Variants in PLB1 observed in about 807,000 individuals in gnomAD.
PLB1 encodes phospholipase B1, also known as phospholipase B1, membrane-associated.
A neutral mutation model predicts 227.4 loss-of-function variants in PLB1; 242 were observed. The ratio of observed to expected loss-of-function variants is 1.06; its 90% confidence interval spans 0.96 to 1.18. PLB1 has a LOEUF of 1.18. Ranked by LOEUF, PLB1 falls within the 50% of genes most tolerant of loss-of-function variation. PLB1 has a pLI of 0.00. For synonymous variants in PLB1, 757 were observed against 682.2 expected (o/e 1.11, Z -1.71); for missense variants, 1,858 against 1,816.3 (o/e 1.02, Z -0.42).
chr2:28,550,096 T>G lies in PLB1; in HGVS notation c.1083+12T>G, dbSNP rs1673978552. The G allele has an allele frequency of 6.3e-7, 1 of 1,596,754 alleles. No homozygotes were observed. On this transcript the variant is annotated intron_variant, in intron 16 of 57. Coordinates refer to ENST00000327757, the MANE Select transcript of PLB1 (RefSeq NM_153021.5). ...AAGACAAGCTTGAGGTAAGGAAAGG[T>G]TTTCTGTAATTGACAAACATGCAGA...
chr2:28,503,656 A>G (rs1025688984), intron 1 of PLB1, among the ~76,000 whole-genome samples: 1 of 152,138 alleles, frequency 6.6e-6, no homozygotes, highest in Non-Finnish European at 1.5e-5. Context: ...ATGTCTGGGG[A>G]CTTGGTACTG....
chr2:28,562,953 C>T, intron 17 of PLB1, 88 bp from the exon 18 acceptor site: 1 of 1,281,104 alleles, frequency 7.8e-7, no homozygotes, highest in African/African-American at 1.5e-5. Context: ...CTTTGTTATC[C>T]TGGAAGTTGT....
intron 55 of PLB1, 77 bp downstream of exon 55, chr2:28,632,217 T>G: frequency 4.3e-6 from 5 of 1,158,730 alleles, no homozygotes; most frequent in South Asian, 2.8e-5. Context: ...CTTCTCTAAG[T>G]GGGCTTTTTT....
chr2:28,533,363 G>A (rs1671270975), intron 9 of PLB1, among the ~76,000 whole-genome samples: 1 of 152,126 alleles, frequency 6.6e-6, no homozygotes, highest in Admixed American at 6.5e-5. Flanking sequence ...GTTTTCTCCA[G>A]TGCCGAGTGA....
intron 23 of PLB1, among the ~76,000 whole-genome samples, chr2:28,581,055 TCC>T (rs1332459758): frequency 1.3e-5 from 2 of 152,102 alleles, no homozygotes; most frequent in Non-Finnish European, 2.9e-5. Flanking sequence ...CCTGGGCCCC[TCC>T]CCTGCTCATG....
At chr2:28,553,032 G>A in intron 17 of PLB1, 41 bp downstream of exon 17, 1 of 1,562,932 alleles carries the variant, frequency 6.4e-7, no homozygotes, top group Non-Finnish European at 8.8e-7. Context: ...TTCATTCGAG[G>A]CCTGAAATCA....
At chr2:28,626,245 C>T (rs1687756514) in intron 50 of PLB1, among the ~76,000 whole-genome samples, 183 bp from the exon 51 acceptor site, 1 of 152,176 alleles carries the variant, frequency 6.6e-6, no homozygotes, top group Non-Finnish European at 1.5e-5. Flanking sequence ...ATCCACCTGC[C>T]TCAGCCTCCC....
Position 28,566,554 on chromosome 2 carries a change from A to C in PLB1, c.1281-242A>C. On this transcript the variant is annotated intron_variant, in intron 19 of 57. Transcript: ENST00000327757. Reference sequence around the variant, plus strand: ...GAACCAACCTACCTCCCCTTCCCCAACATCAGCGAAAATCAGCCGCTGGTT... The same window carrying C: ...GAACCAACCTACCTCCCCTTCCCCACCATCAGCGAAAATCAGCCGCTGGTT... 3 of 512,014 alleles carry C rather than the reference A, an allele frequency of 5.9e-6. No individual in the cohort carries two copies. In the Admixed American group the frequency reaches 9.9e-5, roughly 17 times the overall value. 31.7% of individuals were successfully genotyped at this position (512,014 alleles called of 1,614,324 possible). A position where few individuals can be genotyped will look rare whatever the true frequency, so the allele number is the denominator to read the frequency against.
intron 1 of PLB1, among the ~76,000 whole-genome samples, chr2:28,511,678 A>C (rs1204642441): frequency 1.3e-5 from 2 of 152,204 alleles, no homozygotes; most frequent in Non-Finnish European, 2.9e-5. Flanking sequence ...GATGTGTCTA[A>C]GTAAGATTCT....
chr2:28,538,142 A>G (rs1671956254), intron 9 of PLB1, 177 bp from the exon 10 acceptor site: 2 of 789,882 alleles, frequency 2.5e-6, no homozygotes, highest in South Asian at 3.0e-5. Flanking sequence ...GAAGAACAAA[A>G]TGAAGACAAA....
intron 40 of PLB1, 36 bp from the exon 41 acceptor site, chr2:28,604,619 G>A (rs1426803514): frequency 6.3e-7 from 1 of 1,592,662 alleles, no homozygotes; most frequent in East Asian, 2.2e-5. Context: ...GGCCCACCCA[G>A]GGCCTGGGCT....
At chr2:28,642,809 G>T (rs114156553) in intron 57 of PLB1, 49 bp from the exon 58 acceptor site, 32,722 of 1,483,566 alleles carry the variant, frequency 0.022, 485 homozygotes, top group Non-Finnish European at 0.027. Flanking sequence ...GCTTGGTGAT[G>T]GATGGTTCAC....
At chr2:28,558,568 T>G (rs1675521086) in intron 17 of PLB1, among the ~76,000 whole-genome samples, 1 of 152,220 alleles carries the variant, frequency 6.6e-6, no homozygotes. Flanking sequence ...GCTGGCTTTG[T>G]GATTTGCTAT....
At chr2:28,628,118 T>C (rs941650360) in intron 51 of PLB1, among the ~76,000 whole-genome samples, 3 of 152,026 alleles carry the variant, frequency 2.0e-5, no homozygotes, top group African/African-American at 7.3e-5. Context: ...TCACAGGGGA[T>C]AGAAGTTAGG....
chr2:28,587,587 G>A (rs1223796833), intron 26 of PLB1, among the ~76,000 whole-genome samples: 1 of 150,974 alleles, frequency 6.6e-6, no homozygotes, highest in South Asian at 2.1e-4. Flanking sequence ...TCCAGCCTGG[G>A]TGACACAGTG....
In PLB1 at chr2:28,585,628, G is replaced by C. The variant is rs181942851; in HGVS notation, c.1734-133G>C. Reference sequence around the variant, plus strand: ...TATGGTCAGCAGGTCAGCCAGCCAGGCTCCTCATTAGCACAGATCTCTGAA... The same window carrying C: ...TATGGTCAGCAGGTCAGCCAGCCAGCCTCCTCATTAGCACAGATCTCTGAA... On this transcript the variant is annotated intron_variant, in intron 25 of 57. Coordinates refer to ENST00000327757, the MANE Select transcript of PLB1 (RefSeq NM_153021.5). 10 of 745,380 alleles carry C rather than the reference G, an allele frequency of 1.3e-5. No homozygotes were observed. The Admixed American group carries it at 2.4e-4, about 18-fold the overall frequency. 46.2% of individuals were successfully genotyped at this position (745,380 alleles called of 1,614,324 possible). A position where few individuals can be genotyped will look rare whatever the true frequency, so the allele number is the denominator to read the frequency against.
rs1167378814 is a variant in PLB1, at chr2:28,601,263, C to A, written c.2538C>A (p.Phe846Leu). 5 of 1,613,314 alleles carry A rather than the reference C, an allele frequency of 3.1e-6. No individual in the cohort carries two copies. The African/African-American group carries it at 6.7e-5, about 22-fold the overall frequency. ...QKMKDDHRVN[F>L]HEDWKVITVL... is the part of the protein sequence containing the mutation. ...CTCCCTCCATATAGAGAGTAAATTTCCATGAAGACTGGAAGGTCATCACAG... is the reference window on the plus strand; with the variant it reads ...CTCCCTCCATATAGAGAGTAAATTTACATGAAGACTGGAAGGTCATCACAG... The change falls in exon 37 of 58, where the codon TTC becomes TTA. Residue 846 changes from phenylalanine (F) to leucine (L), a missense_variant. By Grantham distance (22) the Phe-to-Leu change is conservative (BLOSUM62 0). Coordinates refer to ENST00000327757, the MANE Select transcript of PLB1 (RefSeq NM_153021.5).
intron 18 of PLB1, among the ~76,000 whole-genome samples, chr2:28,563,504 C>T (rs1448072683): frequency 6.8e-6 from 1 of 146,494 alleles, no homozygotes; most frequent in Non-Finnish European, 1.5e-5. Context: ...TGTAGAAAAG[C>T]TAAGGGAAGG....
chr2:28,510,806 T>TGTGTGTGTGTGTGTG (rs1345888264), intron 1 of PLB1, among the ~76,000 whole-genome samples: 1 of 65,384 alleles, frequency 1.5e-5, no homozygotes, highest in Non-Finnish European at 3.4e-5. Flanking sequence ...GTGTGTGTGT[T>TGTGTGTGTGTGTGTG]TTGTAGAGAC....
Sources: gnomAD v4.1 joint callset for allele counts (sites outside exome capture counted in the v4.1 genomes callset) on GRCh38, gnomAD v4.1.1 for gene constraint, MANE v1.5 for transcripts, NCBI Gene and HGNC (gene_info 2026-07-23, HGNC 2026-07-21) for gene names.